DPP10: variants seen among roughly 807,000 people sequenced by gnomAD.
DPP10 encodes the protein inactive dipeptidyl peptidase 10.
In DPP10, 33 loss-of-function variants were observed where a neutral mutation model predicts 120.9. The observed-to-expected ratio is 0.27, with a 90% confidence interval of 0.21 to 0.37. The LOEUF (loss-of-function observed/expected upper bound fraction) is 0.37. Among genes scored for constraint, DPP10 ranks in the 10% least tolerant of loss-of-function variants. DPP10 has a pLI of 1.00. For synonymous variants in DPP10, 337 were observed against 326.1 expected (o/e 1.03, Z -0.36); for missense variants, 816 against 942.8 (o/e 0.87, Z 1.76).
At chr2:115,697,641 T>A (rs1225948834) in intron 7 of DPP10, among the ~76,000 whole-genome samples, 1 of 151,868 alleles carries the variant, frequency 6.6e-6, no homozygotes, top group Admixed American at 6.6e-5. Flanking sequence ...ATACTCTCAA[T>A]AATGGCTAGA....
At chr2:115,340,497 T>C (rs1013285196) in intron 2 of DPP10, among the ~76,000 whole-genome samples, 2 of 151,960 alleles carry the variant, frequency 1.3e-5, no homozygotes, top group East Asian at 3.8e-4. Context: ...ATGTATATTA[T>C]ATATAGTGTT....
At chr2:114,707,656 A>G (rs1700769420) in intron 1 of DPP10, among the ~76,000 whole-genome samples, 1 of 152,180 alleles carries the variant, frequency 6.6e-6, no homozygotes, top group Non-Finnish European at 1.5e-5. Flanking sequence ...TTGGGTGACA[A>G]GAGAACAGAA....
intron 5 of DPP10, among the ~76,000 whole-genome samples, chr2:115,632,278 C>T (rs922433357): frequency 1.3e-5 from 2 of 152,136 alleles, no homozygotes; most frequent in African/African-American, 2.4e-5. Context: ...AATTTTCCCC[C>T]ATCCCTTTCT....
chr2:115,678,243 T>C (rs1489667464), intron 5 of DPP10, among the ~76,000 whole-genome samples: 1 of 152,238 alleles, frequency 6.6e-6, no homozygotes, highest in Non-Finnish European at 1.5e-5. Flanking sequence ...TCAGAGCCCT[T>C]CACGGCATCC....
intron 21 of DPP10, among the ~76,000 whole-genome samples, 180 bp downstream of exon 21, chr2:115,815,909 A>G (rs1687174199): frequency 6.6e-6 from 1 of 151,876 alleles, no homozygotes; most frequent in Admixed American, 6.6e-5. Context: ...AGTGGATTCC[A>G]GAGTCTGAAA....
intron 1 of DPP10, among the ~76,000 whole-genome samples, chr2:114,733,529 G>A (rs1340586937): frequency 6.6e-6 from 1 of 152,144 alleles, no homozygotes; most frequent in Non-Finnish European, 1.5e-5. Context: ...ATTTCCAGAA[G>A]TAGTTTTTCA....
chr2:114,790,934 A>G (rs1037191767), intron 1 of DPP10, among the ~76,000 whole-genome samples: 5 of 152,154 alleles, frequency 3.3e-5, no homozygotes, highest in East Asian at 3.9e-4. Flanking sequence ...ATTCTCACAT[A>G]ATGATGTTGG....
chr2:114,727,363 C>A (rs1271521474), intron 1 of DPP10, among the ~76,000 whole-genome samples: 1 of 152,164 alleles, frequency 6.6e-6, no homozygotes, highest in Non-Finnish European at 1.5e-5. Context: ...TGACCAGGGG[C>A]TTATTAACAT....
chr2:115,126,913 C>T (rs987567641), intron 1 of DPP10, among the ~76,000 whole-genome samples: 1 of 152,138 alleles, frequency 6.6e-6, no homozygotes, highest in African/African-American at 2.4e-5. Flanking sequence ...AGATACCTAC[C>T]TAAAACCACA....
At chr2:114,920,853 T>C (rs1695148132) in intron 1 of DPP10, among the ~76,000 whole-genome samples, 1 of 152,170 alleles carries the variant, frequency 6.6e-6, no homozygotes, top group African/African-American at 2.4e-5. Flanking sequence ...GTGGTTTGGG[T>C]ACACATGGCA....
chr2:115,769,083 T>C (rs1257352785), intron 13 of DPP10, among the ~76,000 whole-genome samples: 1 of 152,016 alleles, frequency 6.6e-6, no homozygotes. Flanking sequence ...ACAAGGTTAT[T>C]GAGTCAATCT....
At chr2:115,686,797 A>G (rs1247284147) in intron 5 of DPP10, among the ~76,000 whole-genome samples, 1 of 152,018 alleles carries the variant, frequency 6.6e-6, no homozygotes, top group Non-Finnish European at 1.5e-5. Flanking sequence ...TTCCATAACT[A>G]TTCACACTCT....
intron 1 of DPP10, among the ~76,000 whole-genome samples, chr2:115,058,588 C>T (rs1450160751): frequency 1.3e-5 from 2 of 152,014 alleles, no homozygotes; most frequent in Non-Finnish European, 2.9e-5. Context: ...TGAGTACAGA[C>T]GGGGTTTCGC....
At chr2:115,227,291 AT>A (rs1313773076) in intron 1 of DPP10, among the ~76,000 whole-genome samples, 3 of 152,064 alleles carry the variant, frequency 2.0e-5, no homozygotes, top group Non-Finnish European at 4.4e-5. Flanking sequence ...TTTAGCAATA[AT>A]TTTTTTCTCA....
Position 115,749,694 on chromosome 2 carries a change from G to T in DPP10, c.951-3480G>T, listed in dbSNP as rs562619112. ...TTTGTAGAACGCTAGCTATAATTTG[G>T]TCATGAATACCATCACAATATACTT... On this transcript the variant is annotated intron_variant, in intron 10 of 25. Coordinates refer to ENST00000410059, the MANE Select transcript of DPP10 (RefSeq NM_020868.6). Among the ~76,000 whole-genome samples the T allele has an allele frequency of 9.2e-5, 14 of 152,232 alleles. No homozygotes were observed. In the South Asian group the frequency reaches 2.7e-3, roughly 29 times the overall value.
intron 1 of DPP10, among the ~76,000 whole-genome samples, chr2:115,107,520 A>G (rs1185033739): frequency 2.1e-5 from 3 of 145,746 alleles, no homozygotes; most frequent in South Asian, 2.2e-4. Context: ...AAAATCCAGG[A>G]GCCAAAATTT....
At chr2:115,558,873 A>G (rs934597570) in intron 5 of DPP10, among the ~76,000 whole-genome samples, 1 of 152,178 alleles carries the variant, frequency 6.6e-6, no homozygotes, top group African/African-American at 2.4e-5. Context: ...CTGTTACAGT[A>G]GGTGCCATTA....
intron 1 of DPP10, among the ~76,000 whole-genome samples, chr2:115,056,450 C>T (rs1225653397): frequency 6.6e-6 from 1 of 152,090 alleles, no homozygotes; most frequent in African/African-American, 2.4e-5. Flanking sequence ...ACCATCATAG[C>T]CTGGGTTCAA....
chr2:115,759,580 T>G (rs1456096010), intron 11 of DPP10, among the ~76,000 whole-genome samples: 1 of 152,030 alleles, frequency 6.6e-6, no homozygotes, highest in Non-Finnish European at 1.5e-5. Flanking sequence ...GAATGTAAAA[T>G]GATATGATTA....
Sources: gnomAD v4.1 joint callset for allele counts (sites outside exome capture counted in the v4.1 genomes callset) on GRCh38, gnomAD v4.1.1 for gene constraint, MANE v1.5 for transcripts, NCBI Gene and HGNC (gene_info 2026-07-23, HGNC 2026-07-21) for gene names.